USP28: variants seen among roughly 807,000 people sequenced by gnomAD.
USP28 encodes the protein ubiquitin specific peptidase 28.
USP28 carries 113 observed loss-of-function variants against 145.0 expected under a neutral mutation model. The observed-to-expected ratio is 0.78, with a 90% CI of 0.67 to 0.91. The LOEUF is 0.91. USP28 is among the 40% of genes least tolerant of loss of function. The probability of loss-of-function intolerance (pLI) is 0.00; values close to 1 mark genes in which losing one functional copy is unlikely to be tolerated. For synonymous variants in USP28, 447 were observed against 450.9 expected (o/e 0.99, Z 0.11); for missense variants, 1,201 against 1,289.6 (o/e 0.93, Z 1.05).
intron 1 of USP28, among the ~76,000 whole-genome samples, chr11:113,869,419 G>A (rs951224058): frequency 1.3e-5 from 2 of 152,004 alleles, no homozygotes; most frequent in Non-Finnish European, 2.9e-5. Flanking sequence ...ACAGACTGCG[G>A]TCCGTCTCAA....
intron 1 of USP28, among the ~76,000 whole-genome samples, chr11:113,861,120 C>T (rs1947642583): frequency 6.7e-6 from 1 of 149,388 alleles, no homozygotes; most frequent in South Asian, 2.1e-4. Context: ...CGAGACTACA[C>T]CTCAAAAAAA....
rs145816191 is a variant in USP28, at chr11:113,829,582, C to T, written c.911-237G>A. The T allele has an allele frequency of 4.8e-3, 2,144 of 448,670 alleles. 14 individuals carry two copies. Among genetic ancestry groups the T allele is most frequent in the Middle Eastern group, 9.4e-3 (15 of 1,598 alleles). 27.8% of individuals were successfully genotyped at this position (448,670 alleles called of 1,614,324 possible). On this transcript the variant is annotated intron_variant, in intron 9 of 24. Coordinates refer to ENST00000003302, the Ensembl canonical transcript of USP28. ...GTGGCTTATGCCTGTAATCCCACCA[C>T]TTTGGGAGGCCAAGGTGGGAGGATC...
intron 10 of USP28, chr11:113,828,764 A>G: frequency 3.2e-6 from 1 of 311,448 alleles, no homozygotes; most frequent in East Asian, 9.2e-5. Flanking sequence ...ATTAAATTTT[A>G]AAAATGTTAA....
chr11:113,831,847 A>G, intron 8 of USP28, 73 bp downstream of exon 8: 1 of 1,452,532 alleles, frequency 6.9e-7, no homozygotes, highest in Non-Finnish European at 9.6e-7. Flanking sequence ...TAAGGAGAGT[A>G]ACTTTCCAGC....
At chr11:113,806,451 CTATATTG>C in intron 19 of USP28, 31 bp downstream of exon 20, 1 of 1,525,790 alleles carries the variant, frequency 6.6e-7, no homozygotes. Flanking sequence ...ATTATGATGC[CTATATTG>C]TAAGAATTAG....
chr11:113,799,523 T>A, intron 24 of USP28, 108 bp from the exon 26 acceptor site: 1 of 1,253,150 alleles, frequency 8.0e-7, no homozygotes, highest in Non-Finnish European at 1.1e-6. Flanking sequence ...CAAAGCATTA[T>A]GCTGGCCAGT....
In USP28 at chr11:113,863,276, C is replaced by A. The variant is rs549306263; in HGVS notation, c.58-8941G>T. On this transcript the variant is annotated intron_variant, in intron 1 of 24. Transcript: ENST00000003302. ...GGAAATTAAAAAAAAATTACATTTA[C>A]AATAGCATCCTAAAGAATAAAATAC... Among the ~76,000 whole-genome samples the A allele has an allele frequency of 3.3e-5, 5 of 152,160 alleles. No individual in the cohort carries two copies. In the East Asian group the frequency reaches 5.8e-4, roughly 18 times the overall value.
At chr11:113,867,513 T>G in intron 1 of USP28, among the ~76,000 whole-genome samples, 1 of 151,428 alleles carries the variant, frequency 6.6e-6, no homozygotes, top group East Asian at 1.9e-4. Flanking sequence ...GTGAGCCACC[T>G]CACCCAGCCC....
intron 16 of USP28, among the ~76,000 whole-genome samples, chr11:113,810,765 C>G (rs1940847984): frequency 6.6e-6 from 1 of 152,168 alleles, no homozygotes; most frequent in Admixed American, 6.5e-5. Flanking sequence ...ACCTTTGCCT[C>G]CCAGGTTCAA....
At chr11:113,855,011 G>C (rs1174824266) in intron 1 of USP28, among the ~76,000 whole-genome samples, 1 of 152,134 alleles carries the variant, frequency 6.6e-6, no homozygotes, top group Non-Finnish European at 1.5e-5. Flanking sequence ...AAGCTTTCCT[G>C]CACATGCCAT....
intron 5 of USP28, among the ~76,000 whole-genome samples, chr11:113,836,981 A>T (rs1944634588): frequency 6.6e-6 from 1 of 151,968 alleles, no homozygotes. Flanking sequence ...TTTTTATCCC[A>T]ATAGCTGCCT....
rs1159205717 is a variant in USP28, at chr11:113,799,084, T to C, written c.*156A>G. 4.8e-6 allele frequency: 4 copies of C among 825,264 alleles called. No individual in the cohort carries two copies. The African/African-American group carries it at 5.2e-5, about 11-fold the overall frequency. 51.1% of individuals were successfully genotyped at this position (825,264 alleles called of 1,614,324 possible). A position where few individuals can be genotyped will look rare whatever the true frequency, so the allele number is the denominator to read the frequency against. On this transcript the variant is annotated 3_prime_UTR_variant, in exon 25 of 25. Coordinates refer to ENST00000003302, the Ensembl canonical transcript of USP28. Reference sequence around the variant, plus strand: ...TTTGTACCTAAAAAGTGCAATTTTATTTTCAATCCTTCTTTACACATGCAG... The same window carrying C: ...TTTGTACCTAAAAAGTGCAATTTTACTTTCAATCCTTCTTTACACATGCAG...
chr11:113,842,555 A>G (rs1233207864), intron 3 of USP28, among the ~76,000 whole-genome samples: 1 of 151,410 alleles, frequency 6.6e-6, no homozygotes, highest in East Asian at 1.9e-4. Flanking sequence ...ACTGCACTCC[A>G]GCCTAGGCAA....
chr11:113,815,497 T>C (rs1941598148), intron 13 of USP28, 115 bp from the exon 14 acceptor site: 1 of 953,180 alleles, frequency 1.0e-6, no homozygotes, highest in Non-Finnish European at 1.6e-6. Context: ...TCAGTGAGCA[T>C]TAACTCTATA....
Position 113,825,336 on chromosome 11 carries a change from G to C in USP28, c.1188-1636C>G, listed in dbSNP as rs914528025. ...CACACCCACTAGATGGCTAAAATTA[G>C]AAACACTTATAATTCCAAGCACTGG... is the stretch of plus-strand genomic sequence containing the variant. On this transcript the variant is annotated intron_variant, in intron 11 of 24. Coordinates refer to ENST00000003302, the Ensembl canonical transcript of USP28. 2.6e-5 allele frequency among the ~76,000 whole-genome samples: 4 copies of C among 152,238 alleles called. No homozygotes were observed. The East Asian group carries it at 7.7e-4, about 29-fold the overall frequency.
chr11:113,856,344 C>A (rs1947049316), intron 1 of USP28, among the ~76,000 whole-genome samples: 1 of 152,150 alleles, frequency 6.6e-6, no homozygotes, highest in African/African-American at 2.4e-5. Flanking sequence ...AAGAAGGTAA[C>A]AATGGGATAA....
chr11:113,806,946 G>A (rs183926637), intron 18 of USP28, among the ~76,000 whole-genome samples: 1 of 152,106 alleles, frequency 6.6e-6, no homozygotes, highest in African/African-American at 2.4e-5. Flanking sequence ...ATTTAGTTCT[G>A]TACTTTGGGT....
At chr11:113,804,502 G>A (rs1939591419) in intron 21 of USP28, among the ~76,000 whole-genome samples, 171 bp downstream of exon 22, 1 of 152,148 alleles carries the variant, frequency 6.6e-6, no homozygotes. Context: ...AAAGAGACCT[G>A]CTATTCTGAG....
chr11:113,816,472 C>T (rs931643262), intron 13 of USP28, among the ~76,000 whole-genome samples: 20 of 152,238 alleles, frequency 1.3e-4, no homozygotes, highest in Admixed American at 1.1e-3. Context: ...GAGATCATGC[C>T]ACTGTACTCC....
Sources: allele counts gnomAD v4.1 joint callset (sites outside exome capture counted in the v4.1 genomes callset), GRCh38; gene constraint gnomAD v4.1.1; transcripts MANE v1.5; gene names NCBI Gene and HGNC (gene_info 2026-07-23, HGNC 2026-07-21).